The following MARCHF1 variants were observed in gnomAD, a reference collection of about 807,000 sequenced individuals.
MARCHF1 encodes membrane associated ring-CH-type finger 1.
A neutral mutation model predicts 54.2 loss-of-function variants in MARCHF1; 40 were observed. That is an observed-to-expected ratio of 0.74 (90% CI 0.57 to 0.96). The LOEUF (loss-of-function observed/expected upper bound fraction) is 0.96. MARCHF1 is among the 40% of genes least tolerant of loss of function. MARCHF1 has a pLI of 0.00. For missense variants in MARCHF1, 586 were observed against 656.5 expected, an observed-to-expected ratio of 0.89 and a Z score of 1.17; for synonymous variants, 236 against 236.3, an observed-to-expected ratio of 1.00 and a Z score of 0.01.
intron 3 of MARCHF1, among the ~76,000 whole-genome samples, chr4:163,903,239 TG>T (rs1750979857): frequency 5.9e-4 from 1 of 1,688 alleles, no homozygotes; most frequent in Non-Finnish European, 4.9e-3. Context: ...CCTTCCCTTG[TG>T]TGTGTGTGTG....
chr4:164,011,890 G>A (rs889292967), intron 2 of MARCHF1, among the ~76,000 whole-genome samples: 3 of 152,044 alleles, frequency 2.0e-5, no homozygotes, highest in African/African-American at 7.2e-5. Context: ...CAGATGGGGA[G>A]GAAATGTGTT....
At chr4:163,928,389 GA>G (rs1479665158) in intron 3 of MARCHF1, among the ~76,000 whole-genome samples, 1 of 151,944 alleles carries the variant, frequency 6.6e-6, no homozygotes, top group African/African-American at 2.4e-5. Context: ...CAGGCAATCA[GA>G]CAATGGATAG....
intron 1 of MARCHF1, among the ~76,000 whole-genome samples, chr4:164,148,048 C>T (rs986593333): frequency 6.6e-6 from 1 of 151,758 alleles, no homozygotes; most frequent in Non-Finnish European, 1.5e-5. Context: ...TAGAAGGAGT[C>T]TAGTACTCAG....
At chr4:163,860,793 A>G (rs1218627447) in intron 3 of MARCHF1, among the ~76,000 whole-genome samples, 6 of 152,200 alleles carry the variant, frequency 3.9e-5, no homozygotes, top group Non-Finnish European at 8.8e-5. Context: ...ATAGTAGGGC[A>G]CTACAAGAAT....
intron 1 of MARCHF1, among the ~76,000 whole-genome samples, chr4:164,286,601 T>C (rs979242716): frequency 4.6e-5 from 7 of 151,868 alleles, no homozygotes; most frequent in African/African-American, 1.7e-4. Flanking sequence ...ACATATTCTC[T>C]TAGAAGCCAT....
At chr4:163,714,355 C>T (rs960562510) in intron 4 of MARCHF1, among the ~76,000 whole-genome samples, 51 of 152,210 alleles carry the variant, frequency 3.4e-4, no homozygotes, top group African/African-American at 1.1e-3. Flanking sequence ...ATCTATCTTA[C>T]TGCACTCGAA....
chr4:164,378,631 C>G (rs1731269686), intron 1 of MARCHF1, among the ~76,000 whole-genome samples: 1 of 152,188 alleles, frequency 6.6e-6, no homozygotes, highest in Non-Finnish European at 1.5e-5. Context: ...CAACTATGGG[C>G]TACCATCCCA....
intron 4 of MARCHF1, among the ~76,000 whole-genome samples, chr4:163,845,439 G>A (rs1301003931): frequency 6.9e-6 from 1 of 145,480 alleles, no homozygotes; most frequent in Non-Finnish European, 1.5e-5. Flanking sequence ...CTGTGAATGG[G>A]GAGAGACAAT....
At chr4:163,698,410 C>G (rs1269482376) in intron 5 of MARCHF1, among the ~76,000 whole-genome samples, 1 of 152,148 alleles carries the variant, frequency 6.6e-6, no homozygotes, top group Non-Finnish European at 1.5e-5. Flanking sequence ...GTGACTCATT[C>G]TGAACATAAA....
At chr4:164,123,788 A>T (rs1012361434) in intron 1 of MARCHF1, among the ~76,000 whole-genome samples, 4 of 152,168 alleles carry the variant, frequency 2.6e-5, no homozygotes, top group African/African-American at 7.2e-5. Context: ...TGCCATATAT[A>T]AAAATCAAAT....
At chr4:164,375,677 A>G (rs950443710) in intron 1 of MARCHF1, among the ~76,000 whole-genome samples, 1 of 152,178 alleles carries the variant, frequency 6.6e-6, no homozygotes, top group African/African-American at 2.4e-5. Context: ...CTACATGCAC[A>G]TACACATGCA....
intron 1 of MARCHF1, among the ~76,000 whole-genome samples, chr4:164,146,702 C>A (rs1024943931): frequency 4.6e-5 from 7 of 152,184 alleles, no homozygotes; most frequent in African/African-American, 1.7e-4. Flanking sequence ...AAACATTAGA[C>A]CTAAAACTAT....
chr4:163,895,242 G>A (rs1380060504), intron 3 of MARCHF1, among the ~76,000 whole-genome samples: 1 of 152,148 alleles, frequency 6.6e-6, no homozygotes, highest in Non-Finnish European at 1.5e-5. Flanking sequence ...TGATTAAGAT[G>A]TCTATTTATG....
chr4:164,011,334 C>A (rs970106604), intron 2 of MARCHF1, among the ~76,000 whole-genome samples: 14 of 151,984 alleles, frequency 9.2e-5, no homozygotes, highest in Non-Finnish European at 1.6e-4. Flanking sequence ...AAGAGACAAC[C>A]CGCAGATGTT....
chr4:163,699,274 T>C (rs1744730823), intron 5 of MARCHF1, among the ~76,000 whole-genome samples: 1 of 152,218 alleles, frequency 6.6e-6, no homozygotes, highest in African/African-American at 2.4e-5. Context: ...CTAGACTATC[T>C]TAAAGAATGT....
chr4:164,275,885 T>A (rs1262316511), intron 1 of MARCHF1, among the ~76,000 whole-genome samples: 1 of 152,224 alleles, frequency 6.6e-6, no homozygotes, highest in Non-Finnish European at 1.5e-5. Flanking sequence ...TGCCTTTTAG[T>A]TGGACTTTCA....
At chr4:163,987,577 A>C (rs1201654299) in intron 3 of MARCHF1, among the ~76,000 whole-genome samples, 1 of 152,170 alleles carries the variant, frequency 6.6e-6, no homozygotes, top group Non-Finnish European at 1.5e-5. Flanking sequence ...GGGAAAAAAA[A>C]GGTTAACATG....
At chr4:164,344,587 G>T (rs994808969) in intron 1 of MARCHF1, among the ~76,000 whole-genome samples, 1 of 152,042 alleles carries the variant, frequency 6.6e-6, no homozygotes, top group Non-Finnish European at 1.5e-5. Context: ...ACACTCTGCT[G>T]TGTTAGTTGG....
chr4:164,106,690 G>C (rs1405092116), intron 2 of MARCHF1, among the ~76,000 whole-genome samples: 1 of 146,720 alleles, frequency 6.8e-6, no homozygotes, highest in Non-Finnish European at 1.5e-5. Context: ...TGGGTGCAGC[G>C]CACCAGCATG....
Sources: allele counts gnomAD v4.1 joint callset (sites outside exome capture counted in the v4.1 genomes callset), GRCh38; gene constraint gnomAD v4.1.1; transcripts MANE v1.5; gene names NCBI Gene and HGNC (gene_info 2026-07-23, HGNC 2026-07-21).